Variants in PCLO observed in about 807,000 individuals in gnomAD.
PCLO encodes piccolo presynaptic cytomatrix protein.
Under a neutral mutation model 427.5 loss-of-function variants are expected in PCLO, and 82 were observed. The observed-to-expected ratio is 0.19, with a 90% CI of 0.16 to 0.23. The LOEUF (loss-of-function observed/expected upper bound fraction) is 0.23. Ranked by LOEUF, PCLO falls within the 10% of genes least tolerant of loss-of-function variation. PCLO has a pLI of 1.00. For missense variants in PCLO, 6,239 were observed against 6,115.9 expected, an observed-to-expected ratio of 1.02 and a Z score of -0.67; for synonymous variants, 2,357 against 2,155.4, an observed-to-expected ratio of 1.09 and a Z score of -2.59.
At chr7:83,018,327 T>C (rs1238129064) in intron 3 of PCLO, among the ~76,000 whole-genome samples, 1 of 151,942 alleles carries the variant, frequency 6.6e-6, no homozygotes, top group African/African-American at 2.4e-5. Flanking sequence ...AGAATAAATA[T>C]GAGGCATAAA....
chr7:82,959,001 A>G (rs1795596471), intron 4 of PCLO, among the ~76,000 whole-genome samples: 1 of 152,176 alleles, frequency 6.6e-6, no homozygotes, highest in Admixed American at 6.5e-5. Flanking sequence ...CTCCTTGTGA[A>G]TAAAAGGTCA....
chr7:82,930,444 T>A (rs1488035137), intron 6 of PCLO, among the ~76,000 whole-genome samples: 1 of 152,154 alleles, frequency 6.6e-6, no homozygotes, highest in African/African-American at 2.4e-5. Flanking sequence ...TAATATGTAT[T>A]TATTAGAAGA....
Position 82,952,055 on chromosome 7 carries a change from A to G in PCLO, c.8898T>C (p.Arg2966=). The G allele has an allele frequency of 6.2e-7, 1 of 1,613,936 alleles. No individual in the cohort carries two copies. The highest frequency in any genetic ancestry group is 8.5e-7 in the Non-Finnish European group (1 of 1,179,838). ...QQPATTLPED[R]FGYRDDHYQY... Reference sequence around the variant, plus strand: ...GATAGTGGTCATCCCTATAACCAAAACGATCCTCAGGAAGAGTAGTTGCAG... The same window carrying G: ...GATAGTGGTCATCCCTATAACCAAAGCGATCCTCAGGAAGAGTAGTTGCAG... Residue 2966 remains arginine, a synonymous_variant, in exon 5 of 25, where the codon CGT becomes CGC. Transcript: ENST00000333891.
At chr7:82,973,489 GT>G (rs1370091106) in intron 3 of PCLO, among the ~76,000 whole-genome samples, 9 of 152,036 alleles carry the variant, frequency 5.9e-5, no homozygotes, top group Non-Finnish European at 1.3e-4. Flanking sequence ...CTAATTTCCA[GT>G]TGAATTGCTG....
chr7:83,134,033 C>T (rs1224841924), intron 3 of PCLO, among the ~76,000 whole-genome samples: 1 of 151,374 alleles, frequency 6.6e-6, no homozygotes, highest in Non-Finnish European at 1.5e-5. Context: ...CATCTTCTTA[C>T]TTGTGGAACA....
intron 3 of PCLO, among the ~76,000 whole-genome samples, chr7:82,997,143 C>T (rs574041722): frequency 1.2e-4 from 18 of 152,010 alleles, no homozygotes; most frequent in African/African-American, 4.1e-4. Flanking sequence ...ACACCTAGGA[C>T]TTCAATGAAC....
At position 82,956,404 on chromosome 7, in the gene PCLO, T is replaced by C; in HGVS notation, c.4549A>G (p.Ser1517Gly). 1 of 1,613,720 alleles carries C rather than the reference T, an allele frequency of 6.2e-7. No homozygotes were observed. Among genetic ancestry groups the C allele is most frequent in the Non-Finnish European group, 8.5e-7 (1 of 1,179,852 alleles). The change falls in exon 5 of 25, where the codon AGT becomes GGT. Residue 1517 changes from serine to glycine, a missense_variant. Ser to Gly is a moderately conservative substitution (Grantham distance 56). Coordinates refer to ENST00000333891, the MANE Select transcript of PCLO (RefSeq NM_033026.6). ...GGAACAGGTGAGTTTTCACTTTCAC[T>C]ACTCTCTTCAACTGAATCATAAGGC... ...REPYDSVEES[S>G]ESENSPVPQR...
intron 3 of PCLO, among the ~76,000 whole-genome samples, chr7:82,996,915 A>G (rs1395145355): frequency 1.3e-5 from 2 of 151,974 alleles, no homozygotes; most frequent in Non-Finnish European, 2.9e-5. Context: ...GGACCTAAAA[A>G]TTCTAAAGCC....
At chr7:82,808,359 G>T (rs150331920) in intron 20 of PCLO, among the ~76,000 whole-genome samples, 2 of 151,684 alleles carry the variant, frequency 1.3e-5, no homozygotes, top group Non-Finnish European at 3.0e-5. Context: ...TTTCAAAATC[G>T]TCCATCCTTT....
chr7:83,046,301 C>A (rs901472556), intron 3 of PCLO, among the ~76,000 whole-genome samples: 11 of 152,024 alleles, frequency 7.2e-5, no homozygotes, highest in Non-Finnish European at 1.3e-4. Flanking sequence ...TCTAACTATA[C>A]CATTTTCCTT....
chr7:82,995,913 G>A (rs1345520895), intron 3 of PCLO, among the ~76,000 whole-genome samples: 1 of 151,686 alleles, frequency 6.6e-6, no homozygotes. Flanking sequence ...AATGTCTATT[G>A]GAAGAATCCA....
At chr7:83,054,265 AC>A in intron 3 of PCLO, among the ~76,000 whole-genome samples, 2 of 152,054 alleles carry the variant, frequency 1.3e-5, no homozygotes, top group Non-Finnish European at 2.9e-5. Context: ...TGCAAAACCA[AC>A]ACCTAGATGT....
intron 3 of PCLO, among the ~76,000 whole-genome samples, chr7:83,055,081 T>C (rs901240836): frequency 6.6e-6 from 1 of 152,104 alleles, no homozygotes; most frequent in Admixed American, 6.6e-5. Context: ...TGCACTGTTA[T>C]TAGAACTTCA....
At chr7:82,964,456 C>T (rs1446880554) in intron 4 of PCLO, among the ~76,000 whole-genome samples, 2 of 152,060 alleles carry the variant, frequency 1.3e-5, no homozygotes, top group African/African-American at 4.8e-5. Context: ...ACAAGAGGTA[C>T]ATAAGTGGAT....
Position 82,952,555 on chromosome 7 carries a change from A to C in PCLO, c.8398T>G (p.Cys2800Gly). The C allele has an allele frequency of 6.2e-7, 1 of 1,613,924 alleles. No homozygotes were observed. The highest frequency in any genetic ancestry group is 1.1e-5 in the South Asian group (1 of 91,082). ...GTAGTGTAACTTGCACTAGCTGTGC[A>C]TGTGACAAAGGTCACTGTCTCAGTG... ...LATETVTFVT[C>G]TASASYTTGT... The change falls in exon 5 of 25, where the codon TGC (cysteine) becomes GGC (glycine). Residue 2800 changes from cysteine (C) to glycine (G), a missense_variant. Around this residue, in one of 5 missense-constraint regions of PCLO, gnomAD observed 4,677 missense variants for 4,468.4 expected, o/e 1.05. Transcript: ENST00000333891.
rs146288556 is a variant in PCLO, at chr7:82,987,284, C to T, written c.3301-20797G>A. Among the ~76,000 whole-genome samples, 81 of 151,964 alleles carry T rather than the reference C, an allele frequency of 5.3e-4. No homozygotes were observed. The East Asian group carries it at 0.015, about 27-fold the overall frequency. ...GCTACTTGATTTTTAGAAAAAAATC[C>T]TCTCAGTTTCTAAAATGGAGACAAC... On this transcript the variant is annotated intron_variant, in intron 3 of 24. Coordinates refer to ENST00000333891, the MANE Select transcript of PCLO (RefSeq NM_033026.6).
In PCLO at chr7:82,965,958, T is replaced by G; in HGVS notation, c.3830A>C (p.Glu1277Ala). The G allele has an allele frequency of 6.2e-7, 1 of 1,613,916 alleles. No homozygotes were observed. Among genetic ancestry groups the G allele is most frequent in the Non-Finnish European group, 8.5e-7 (1 of 1,179,878 alleles). The change falls in exon 4 of 25, where the codon GAA (glutamate) becomes GCA (alanine). Residue 1277 changes from glutamate (E) to alanine (A), a missense_variant. Glu to Ala is a moderately radical substitution (Grantham distance 107). This residue lies in a region of PCLO where 4,677 missense variants were observed against 4,468.4 expected (regional missense o/e 1.05). Transcript: ENST00000333891. ...SQVQIAEEKL[E>A]GRVAPKTVQE... ...CACTGTCTTTGGAGCCACTCTGCCT[T>G]CAAGCTTTTCTTCAGCAATTTGTAC...
At chr7:83,064,796 G>A (rs970738724) in intron 3 of PCLO, among the ~76,000 whole-genome samples, 8 of 151,818 alleles carry the variant, frequency 5.3e-5, no homozygotes, top group East Asian at 1.9e-4. Context: ...TTAGAACATA[G>A]TGGACATTCA....
chr7:82,907,970 A>G (rs1794230919), intron 8 of PCLO, among the ~76,000 whole-genome samples: 1 of 152,106 alleles, frequency 6.6e-6, no homozygotes, highest in Admixed American at 6.6e-5. Context: ...GTAAGTCTAT[A>G]TGGATCTTCT....
Sources: allele counts gnomAD v4.1 joint callset (sites outside exome capture counted in the v4.1 genomes callset), GRCh38; gene constraint gnomAD v4.1.1; regional missense constraint gnomAD v4.1.1; transcripts MANE v1.5; gene names NCBI Gene and HGNC (gene_info 2026-07-23, HGNC 2026-07-21).